Variants in FAM13C observed in about 807,000 individuals in gnomAD.
FAM13C encodes family with sequence similarity 13 member C, also known as protein FAM13C.
Under a neutral mutation model 73.2 loss-of-function variants are expected in FAM13C, and 37 were observed. The observed-to-expected ratio is 0.51, with a 90% CI of 0.39 to 0.67. The LOEUF is 0.67. FAM13C is among the 30% of genes least tolerant of loss of function. The pLI is 0.00. For missense variants in FAM13C, 589 were observed against 715.6 expected (o/e 0.82, Z 2.02); for synonymous variants, 246 against 260.9 (o/e 0.94, Z 0.55).
intron 10 of FAM13C, among the ~76,000 whole-genome samples, chr10:59,260,481 G>A (rs1330279678): frequency 6.6e-6 from 1 of 152,110 alleles, no homozygotes; most frequent in Non-Finnish European, 1.5e-5. Context: ...AATTCCATCT[G>A]TTGAGAATGT....
intron 5 of FAM13C, among the ~76,000 whole-genome samples, chr10:59,284,273 C>T (rs1845285424): frequency 6.6e-6 from 1 of 152,030 alleles, no homozygotes; most frequent in African/African-American, 2.4e-5. Flanking sequence ...ATGCATCCTG[C>T]CATGATGCAG....
chr10:59,352,004 AAAAT>A (rs1161197701), intron 3 of FAM13C, among the ~76,000 whole-genome samples: 3 of 152,160 alleles, frequency 2.0e-5, no homozygotes. Flanking sequence ...TCCAAAAATA[AAAAT>A]AAATAAATAA....
chr10:59,248,804 C>T (rs912333883), intron 13 of FAM13C, among the ~76,000 whole-genome samples: 2 of 152,160 alleles, frequency 1.3e-5, no homozygotes, highest in Non-Finnish European at 2.9e-5. Context: ...CTAATCTATA[C>T]AAATTAAGAA....
At chr10:59,290,025 C>A (rs1589471293) in intron 5 of FAM13C, among the ~76,000 whole-genome samples, 1 of 152,222 alleles carries the variant, frequency 6.6e-6, no homozygotes. Context: ...GCTGCTCCAA[C>A]TATCCCATCT....
Position 59,278,652 on chromosome 10 carries a change from A to C in FAM13C, c.592+4711T>G, listed in dbSNP as rs1470027568. 4.6e-5 allele frequency among the ~76,000 whole-genome samples: 7 copies of C among 152,226 alleles called. No homozygotes were observed. The East Asian group carries it at 7.7e-4, about 17-fold the overall frequency. ...CTCTAGATACTGCCAAATGTCCTCGAGGGCGGCAAAAAATAGACCCCAATT... is the reference window on the plus strand; with the variant it reads ...CTCTAGATACTGCCAAATGTCCTCGCGGGCGGCAAAAAATAGACCCCAATT... On this transcript the variant is annotated intron_variant, in intron 6 of 13. Coordinates refer to ENST00000618804, the MANE Select transcript of FAM13C (RefSeq NM_198215.4).
intron 4 of FAM13C, among the ~76,000 whole-genome samples, chr10:59,304,654 G>A (rs535171955): frequency 1.3e-5 from 2 of 151,134 alleles, no homozygotes; most frequent in Non-Finnish European, 2.9e-5. Flanking sequence ...ATGGGTACTA[G>A]GCTTAATACC....
rs143000280 is a variant in FAM13C, at chr10:59,275,693, T to C, written c.593-5584A>G. Reference sequence around the variant, plus strand: ...AAGCCCGGGCTCTGGAGTCAGAGGCTTGGGCTTTGTCTGTGATACCACTTA... The same window carrying C: ...AAGCCCGGGCTCTGGAGTCAGAGGCCTGGGCTTTGTCTGTGATACCACTTA... On this transcript the variant is annotated intron_variant, in intron 6 of 13. Transcript: ENST00000618804. Among the ~76,000 whole-genome samples, 427 of 152,324 alleles carry C rather than the reference T, an allele frequency of 2.8e-3. 1 individual carries two copies. The highest frequency in any genetic ancestry group is 9.9e-3 in the African/African-American group (411 of 41,576).
At chr10:59,315,185 G>T (rs1460914754) in intron 4 of FAM13C, among the ~76,000 whole-genome samples, 2 of 152,126 alleles carry the variant, frequency 1.3e-5, no homozygotes, top group African/African-American at 4.8e-5. Context: ...CGCTAGCAGG[G>T]AAACTTGGAA....
At chr10:59,323,283 G>C (rs1215203365) in intron 4 of FAM13C, 2 of 152,326 alleles carry the variant, frequency 1.3e-5, no homozygotes, top group African/African-American at 4.8e-5. Flanking sequence ...CAGCTGCAAT[G>C]CCAGGCTCCC....
At chr10:59,340,821 C>G (rs1201003050) in intron 3 of FAM13C, among the ~76,000 whole-genome samples, 7 of 150,588 alleles carry the variant, frequency 4.6e-5, no homozygotes, top group African/African-American at 1.5e-4. Context: ...TTTGCCATTA[C>G]TTGGCAAAAA....
At chr10:59,346,550 T>C (rs1268510973) in intron 3 of FAM13C, among the ~76,000 whole-genome samples, 1 of 152,180 alleles carries the variant, frequency 6.6e-6, no homozygotes, top group African/African-American at 2.4e-5. Context: ...TATAGCCTCC[T>C]ACTTTTTGTC....
intron 4 of FAM13C, among the ~76,000 whole-genome samples, chr10:59,314,083 C>A (rs1222800475): frequency 6.6e-6 from 1 of 152,026 alleles, no homozygotes; most frequent in Admixed American, 6.6e-5. Flanking sequence ...TCAACATGGG[C>A]TATTGAGAAA....
At chr10:59,308,993 G>A (rs908651160) in intron 4 of FAM13C, among the ~76,000 whole-genome samples, 2 of 152,106 alleles carry the variant, frequency 1.3e-5, no homozygotes, top group African/African-American at 4.8e-5. Context: ...TTGTGAAAAC[G>A]CCACATTTTA....
chr10:59,360,485 C>T (rs1211896722), intron 1 of FAM13C, among the ~76,000 whole-genome samples: 1 of 152,102 alleles, frequency 6.6e-6, no homozygotes, highest in Admixed American at 6.5e-5. Flanking sequence ...TCCTGAGAAC[C>T]TGCTATGTCT....
At chr10:59,319,402 C>T (rs1344041364) in intron 4 of FAM13C, among the ~76,000 whole-genome samples, 2 of 152,214 alleles carry the variant, frequency 1.3e-5, no homozygotes, top group African/African-American at 4.8e-5. Flanking sequence ...CCTGTTTACA[C>T]AGACAAGGTC....
At chr10:59,298,539 A>G (rs1847186234) in intron 5 of FAM13C, among the ~76,000 whole-genome samples, 1 of 152,186 alleles carries the variant, frequency 6.6e-6, no homozygotes, top group Non-Finnish European at 1.5e-5. Context: ...AAAGAAGAAA[A>G]GAAGGCCCAT....
intron 4 of FAM13C, among the ~76,000 whole-genome samples, chr10:59,313,889 T>A (rs762283530): frequency 2.6e-5 from 4 of 152,138 alleles, no homozygotes; most frequent in African/African-American, 4.8e-5. Context: ...ATTGCTTATC[T>A]AAGAATCAAT....
chr10:59,333,225 A>G (rs779395729), intron 3 of FAM13C, among the ~76,000 whole-genome samples: 20 of 152,168 alleles, frequency 1.3e-4, no homozygotes, highest in Non-Finnish European at 2.9e-4. Context: ...GATCCCTTAA[A>G]TACCTCTTAC....
intron 4 of FAM13C, among the ~76,000 whole-genome samples, chr10:59,311,581 C>CAGCT (rs1221703705): frequency 3.3e-5 from 5 of 152,194 alleles, no homozygotes; most frequent in Admixed American, 3.3e-4. Flanking sequence ...ACCAATACTT[C>CAGCT]AGCTCCAAGG....
Sources: allele counts gnomAD v4.1 joint callset (sites outside exome capture counted in the v4.1 genomes callset), GRCh38; gene constraint gnomAD v4.1.1; transcripts MANE v1.5; gene names NCBI Gene and HGNC (gene_info 2026-07-23, HGNC 2026-07-21).